The following CCDC30 variants were observed in gnomAD, a reference collection of about 807,000 sequenced individuals.
The protein encoded by CCDC30 is coiled-coil domain containing 30.
CCDC30 carries 70 observed loss-of-function variants against 100.2 expected under a neutral mutation model. The ratio of observed to expected loss-of-function variants is 0.70; its 90% CI spans 0.58 to 0.85. CCDC30 has a LOEUF of 0.85. Among genes scored for constraint, CCDC30 ranks in the 40% least tolerant of loss-of-function variants. CCDC30 has a pLI of 0.00. For missense variants in CCDC30, 652 were observed against 771.2 expected, an observed-to-expected ratio of 0.85 and a Z score of 1.83; for synonymous variants, 233 against 269.5, an observed-to-expected ratio of 0.86 and a Z score of 1.33.
chr1:42,607,153 C>T (rs557807433), intron 10 of CCDC30, among the ~76,000 whole-genome samples: 26 of 152,090 alleles, frequency 1.7e-4, no homozygotes, highest in Admixed American at 3.3e-4. Flanking sequence ...CTAGGGAAGC[C>T]GAGGTGGAAG....
At chr1:42,538,491 AGGCTGAGACAGGAGGAT>A (rs1189195635) in intron 6 of CCDC30, among the ~76,000 whole-genome samples, 3 of 152,170 alleles carry the variant, frequency 2.0e-5, no homozygotes, top group Non-Finnish European at 4.4e-5. Flanking sequence ...GGTACTTGGG[AGGCTGAGACAGGAGGAT>A]GGTTTGAGCC....
exon 10 of CCDC30, chr1:42,589,378 T>A: frequency 6.2e-7 from 1 of 1,613,520 alleles, no homozygotes; most frequent in Non-Finnish European, 8.5e-7. Context: ...CCTTACAAGA[T>A]AAAGAAAATC....
chr1:42,578,073 C>T (rs923786797), intron 8 of CCDC30, among the ~76,000 whole-genome samples: 16 of 152,004 alleles, frequency 1.1e-4, no homozygotes, highest in African/African-American at 3.9e-4. Flanking sequence ...AATATTGTCC[C>T]TTCATTTTAG....
intron 2 of CCDC30, among the ~76,000 whole-genome samples, chr1:42,482,117 C>T (rs1453539672): frequency 1.3e-5 from 2 of 151,514 alleles, no homozygotes; most frequent in Non-Finnish European, 2.9e-5. Flanking sequence ...ACTTGGGAGT[C>T]TGAGGCAGGA....
At chr1:42,518,657 A>G (rs1345825392) in intron 6 of CCDC30, among the ~76,000 whole-genome samples, 2 of 152,192 alleles carry the variant, frequency 1.3e-5, no homozygotes, top group African/African-American at 4.8e-5. Flanking sequence ...AGTACATTCT[A>G]TGATGTTTGC....
chr1:42,497,617 G>T (rs1343361253), intron 5 of CCDC30, among the ~76,000 whole-genome samples: 1 of 151,874 alleles, frequency 6.6e-6, no homozygotes, highest in Non-Finnish European at 1.5e-5. Context: ...TTAAAAATAT[G>T]TACTTCCAAA....
chr1:42,568,242 G>A (rs1645648681), intron 7 of CCDC30, among the ~76,000 whole-genome samples: 1 of 152,118 alleles, frequency 6.6e-6, no homozygotes, highest in Non-Finnish European at 1.5e-5. Context: ...AGCTTCCTGA[G>A]TTGCTGGGAT....
At chr1:42,632,788 T>C (rs1253663194) in intron 11 of CCDC30, among the ~76,000 whole-genome samples, 1 of 151,316 alleles carries the variant, frequency 6.6e-6, no homozygotes, top group Non-Finnish European at 1.5e-5. Context: ...ATAAATAACG[T>C]AAGCTATACA....
chr1:42,610,364 A>T (rs147422620), intron 10 of CCDC30, among the ~76,000 whole-genome samples: 4 of 152,194 alleles, frequency 2.6e-5, no homozygotes, highest in Admixed American at 2.6e-4. Flanking sequence ...GAGTTAATTA[A>T]CTGAAGAGAA....
chr1:42,608,267 G>A (rs1430140810), intron 10 of CCDC30, among the ~76,000 whole-genome samples: 2 of 152,232 alleles, frequency 1.3e-5, no homozygotes, highest in African/African-American at 2.4e-5. Flanking sequence ...AGAGAACCCC[G>A]ATAGAGAGAG....
At chr1:42,633,538 G>A (rs897156954) in intron 11 of CCDC30, among the ~76,000 whole-genome samples, 6 of 152,072 alleles carry the variant, frequency 3.9e-5, no homozygotes, top group African/African-American at 1.4e-4. Flanking sequence ...TAGATTCCAA[G>A]GACTTAAGAG....
chr1:42,500,192 G>A lies in CCDC30; in HGVS notation c.456+1276G>A, dbSNP rs1156730431. The A allele has an allele frequency of 5.3e-6, 8 of 1,510,368 alleles. No individual in the cohort carries two copies. The East Asian group carries it at 6.8e-5, about 13-fold the overall frequency. The allele number at this position is 1,510,368 out of a possible 1,614,324, so 93.6% of individuals were successfully genotyped here. A position where few individuals can be genotyped will look rare whatever the true frequency, so the allele number is the denominator to read the frequency against. ...TGTGGAACGTACAGTGCATATTGGCGGTGCACGCCTCATTATGATTCGCCT... is the reference window on the plus strand; with the variant it reads ...TGTGGAACGTACAGTGCATATTGGCAGTGCACGCCTCATTATGATTCGCCT... On this transcript the variant is annotated intron_variant, in intron 6 of 16. Transcript: ENST00000668663.
At chr1:42,553,906 G>A (rs1248641596) in intron 6 of CCDC30, among the ~76,000 whole-genome samples, 2 of 151,658 alleles carry the variant, frequency 1.3e-5, no homozygotes, top group African/African-American at 2.4e-5. Flanking sequence ...ATTTTTTATA[G>A]TATTAGAGGA....
intron 7 of CCDC30, among the ~76,000 whole-genome samples, chr1:42,573,052 T>C (rs977489208): frequency 6.6e-6 from 1 of 152,244 alleles, no homozygotes; most frequent in African/African-American, 2.4e-5. Flanking sequence ...CTTTTCACCT[T>C]GTTCTTCTTT....
At chr1:42,523,706 C>T (rs1335541340) in intron 6 of CCDC30, among the ~76,000 whole-genome samples, 7 of 152,112 alleles carry the variant, frequency 4.6e-5, no homozygotes, top group Admixed American at 2.0e-4. Context: ...TGGGACTCCC[C>T]AGTGTGTATG....
chr1:42,468,676 G>A (rs975546746), intron 1 of CCDC30: 1 of 152,214 alleles, frequency 6.6e-6, no homozygotes, highest in Admixed American at 6.5e-5. Context: ...CTGGAGCATA[G>A]CAGAGAGAGA....
chr1:42,635,479 C>G (rs1445849045), intron 11 of CCDC30, among the ~76,000 whole-genome samples: 4 of 152,044 alleles, frequency 2.6e-5, no homozygotes, highest in African/African-American at 9.7e-5. Flanking sequence ...TTTCATTTAT[C>G]TTGAATATAT....
At chr1:42,624,378 T>C (rs1042303285) in intron 11 of CCDC30, among the ~76,000 whole-genome samples, 3 of 152,230 alleles carry the variant, frequency 2.0e-5, no homozygotes, top group African/African-American at 7.2e-5. Context: ...ATGTATCACA[T>C]TGATTGATTT....
intron 12 of CCDC30, among the ~76,000 whole-genome samples, chr1:42,641,698 C>T (rs1647410580): frequency 1.3e-5 from 2 of 152,002 alleles, no homozygotes; most frequent in South Asian, 2.1e-4. Context: ...GAAACCCTGT[C>T]TCTACTAAAA....
Sources: allele counts gnomAD v4.1 joint callset (sites outside exome capture counted in the v4.1 genomes callset), GRCh38; gene constraint gnomAD v4.1.1; transcripts MANE v1.5; gene names NCBI Gene and HGNC (gene_info 2026-07-23, HGNC 2026-07-21).